The following WDFY3 variants were observed in gnomAD, a reference collection of about 807,000 sequenced individuals.
WDFY3 encodes the protein WD repeat and FYVE domain containing 3, also known as WD repeat and FYVE domain-containing protein 3.
In WDFY3, 66 loss-of-function variants were observed where a neutral mutation model predicts 409.6. That is an observed-to-expected ratio of 0.16 (90% CI 0.13 to 0.20). The LOEUF (loss-of-function observed/expected upper bound fraction) is 0.20. Among genes scored for constraint, WDFY3 ranks in the 10% least tolerant of loss-of-function variants. The probability of loss-of-function intolerance (pLI) is 1.00; values close to 1 mark genes in which losing one functional copy is unlikely to be tolerated. For missense variants in WDFY3, 3,031 were observed against 4,298.1 expected, an observed-to-expected ratio of 0.71 and a Z score of 8.24; for synonymous variants, 1,521 against 1,537.1, an observed-to-expected ratio of 0.99 and a Z score of 0.25.
chr4:84,874,419 AAAAC>A (rs1020471832), intron 3 of WDFY3, among the ~76,000 whole-genome samples: 17 of 152,160 alleles, frequency 1.1e-4, no homozygotes, highest in African/African-American at 3.1e-4. Context: ...TCTCAAAAAA[AAAAC>A]AAACAAACAC....
chr4:84,809,762 T>C (rs1752167729), intron 14 of WDFY3, 125 bp downstream of exon 14: 1 of 900,746 alleles, frequency 1.1e-6, no homozygotes, highest in African/African-American at 1.7e-5. Context: ...GTGATACACT[T>C]CAAACAAATA....
At chr4:84,688,540 T>C (rs1728707688) in intron 61 of WDFY3, among the ~76,000 whole-genome samples, 1 of 152,126 alleles carries the variant, frequency 6.6e-6, no homozygotes, top group Non-Finnish European at 1.5e-5. Flanking sequence ...GCCAGGATCT[T>C]AGAAGGAAGA....
At chr4:84,687,566 T>G (rs1728543125) in intron 62 of WDFY3, among the ~76,000 whole-genome samples, 1 of 152,228 alleles carries the variant, frequency 6.6e-6, no homozygotes, top group African/African-American at 2.4e-5. Flanking sequence ...TGAATGGATT[T>G]TAAGACAAAA....
At position 84,808,187 on chromosome 4, in the gene WDFY3, C is replaced by T. The variant is rs192374284; in HGVS notation, c.2429+147G>A. ...GATATCTTTAAAATCTAAAAACACC[C>T]CCCAAAACCCCAAAAGTAAAAACAA... On this transcript the variant is annotated intron_variant, in intron 15 of 67. Coordinates refer to ENST00000295888, the MANE Select transcript of WDFY3 (RefSeq NM_014991.6). The T allele has an allele frequency of 3.3e-4, 200 of 606,682 alleles. No individual in the cohort carries two copies. The East Asian group carries it at 4.5e-3, about 14-fold the overall frequency. 37.6% of individuals were successfully genotyped at this position (606,682 alleles called of 1,614,324 possible).
At chr4:84,708,521 T>C (rs956460738) in intron 53 of WDFY3, among the ~76,000 whole-genome samples, 9 of 152,098 alleles carry the variant, frequency 5.9e-5, no homozygotes, top group Non-Finnish European at 1.0e-4. Context: ...ATAAAACATT[T>C]AGGCAACCGT....
At chr4:84,870,305 T>C (rs1016674563) in intron 3 of WDFY3, among the ~76,000 whole-genome samples, 2 of 152,150 alleles carry the variant, frequency 1.3e-5, no homozygotes, top group African/African-American at 4.8e-5. Flanking sequence ...CTCAAGGACT[T>C]TTCTTGGACC....
At chr4:84,882,123 G>A (rs761292710) in intron 3 of WDFY3, among the ~76,000 whole-genome samples, 4 of 151,880 alleles carry the variant, frequency 2.6e-5, no homozygotes, top group African/African-American at 7.3e-5. Flanking sequence ...TCTCATATCC[G>A]CTCATCCCAA....
intron 2 of WDFY3, among the ~76,000 whole-genome samples, chr4:84,921,645 C>CTTT (rs1561081050): frequency 2.7e-5 from 3 of 112,302 alleles, no homozygotes; most frequent in Non-Finnish European, 3.6e-5. Flanking sequence ...CTATTGCTTT[C>CTTT]ATTTTTTTTT....
At chr4:84,914,815 C>T (rs1304329543) in intron 2 of WDFY3, among the ~76,000 whole-genome samples, 1 of 152,246 alleles carries the variant, frequency 6.6e-6, no homozygotes, top group East Asian at 1.9e-4. Flanking sequence ...AGTTACCATA[C>T]AACCCAGCAA....
intron 53 of WDFY3, among the ~76,000 whole-genome samples, chr4:84,707,493 T>C (rs905917605): frequency 2.6e-5 from 4 of 152,116 alleles, no homozygotes; most frequent in African/African-American, 9.7e-5. Context: ...TGGATGATGG[T>C]GCCATTTCCT....
intron 35 of WDFY3, 136 bp downstream of exon 35, chr4:84,753,561 T>C: frequency 2.1e-6 from 2 of 959,058 alleles, no homozygotes; most frequent in South Asian, 5.4e-5. Context: ...CAAGAGGTGA[T>C]GTATAAAGTT....
At chr4:84,916,467 T>TA (rs1768505115) in intron 2 of WDFY3, among the ~76,000 whole-genome samples, 1 of 152,200 alleles carries the variant, frequency 6.6e-6, no homozygotes, top group Admixed American at 6.5e-5. Context: ...CTGCCTCTGT[T>TA]ACAAGTATTT....
intron 10 of WDFY3, among the ~76,000 whole-genome samples, chr4:84,826,138 T>G (rs970886592): frequency 6.6e-6 from 1 of 152,046 alleles, no homozygotes; most frequent in Non-Finnish European, 1.5e-5. Context: ...TCTGCATCTG[T>G]GGATTCAATC....
chr4:84,827,630 AT>A (rs1373311979), intron 9 of WDFY3, among the ~76,000 whole-genome samples: 1 of 152,196 alleles, frequency 6.6e-6, no homozygotes, highest in Non-Finnish European at 1.5e-5. Flanking sequence ...GATTACCAAC[AT>A]TTTTAAGGCT....
intron 2 of WDFY3, among the ~76,000 whole-genome samples, chr4:84,908,466 T>C (rs570076546): frequency 6.6e-6 from 1 of 152,288 alleles, no homozygotes; most frequent in African/African-American, 2.4e-5. Context: ...GCAAACCCTC[T>C]AAACTCAAAA....
chr4:84,899,413 A>C (rs180740113), intron 2 of WDFY3, among the ~76,000 whole-genome samples: 1 of 152,320 alleles, frequency 6.6e-6, no homozygotes, highest in East Asian at 1.9e-4. Flanking sequence ...TTATTAAACT[A>C]AGTGTATTTT....
At chr4:84,739,783 A>T (rs543641512) in intron 39 of WDFY3, among the ~76,000 whole-genome samples, 3 of 152,152 alleles carry the variant, frequency 2.0e-5, no homozygotes, top group Admixed American at 1.3e-4. Context: ...CCCTAATTCA[A>T]TGCTTGGCCC....
intron 30 of WDFY3, among the ~76,000 whole-genome samples, chr4:84,771,178 C>T (rs1018177414): frequency 3.9e-5 from 6 of 152,082 alleles, no homozygotes; most frequent in Non-Finnish European, 8.8e-5. Flanking sequence ...CTCTTGTCAC[C>T]CAGGTTGAAG....
At chr4:84,748,204 T>G (rs1308497799) in intron 36 of WDFY3, among the ~76,000 whole-genome samples, 3 of 152,216 alleles carry the variant, frequency 2.0e-5, no homozygotes, top group Non-Finnish European at 4.4e-5. Flanking sequence ...GGCACCCTTG[T>G]AGAAGCCAAC....
Sources: gnomAD v4.1 joint callset for allele counts (sites outside exome capture counted in the v4.1 genomes callset) on GRCh38, gnomAD v4.1.1 for gene constraint, MANE v1.5 for transcripts, NCBI Gene and HGNC (gene_info 2026-07-23, HGNC 2026-07-21) for gene names.